Variants in ACTR3C observed in about 807,000 individuals in gnomAD.
The protein encoded by ACTR3C is actin-related protein 3C.
A neutral mutation model predicts 26.3 loss-of-function variants in ACTR3C; 18 were observed. The observed-to-expected ratio is 0.68, with a 90% CI of 0.47 to 1.01. The LOEUF is 1.01. ACTR3C is among the 50% of genes least tolerant of loss of function. The pLI, the probability that ACTR3C is intolerant of heterozygous loss-of-function variation, is 0.00. For missense variants in ACTR3C, 184 were observed against 250.7 expected (o/e 0.73, Z 1.80); for synonymous variants, 55 against 94.5 (o/e 0.58, Z 2.42).
chr7:149,985,681 A>T, the ACTR3C span, among the ~76,000 whole-genome samples: 1 of 152,188 alleles, frequency 6.6e-6, no homozygotes, highest in African/African-American at 2.4e-5. Flanking sequence ...AGTGCCATCA[A>T]TGATGGAGCT....
chr7:150,248,731 A>G (rs1470672493), intron 7 of ACTR3C: 2 of 347,972 alleles, frequency 5.7e-6, no homozygotes, highest in Non-Finnish European at 1.0e-5. Context: ...ACCACTTATC[A>G]TAGCAAGAAC....
At chr7:150,019,599 A>AAATAAAAATAATAATAATAAT in the ACTR3C span, among the ~76,000 whole-genome samples, 27 of 109,806 alleles carry the variant, frequency 2.5e-4, no homozygotes, top group African/African-American at 8.9e-4. Flanking sequence ...TCAAAAATAA[A>AAATAAAAATAATAATAATAAT]AATAATAATA....
At chr7:150,198,461 A>C in the ACTR3C span, among the ~76,000 whole-genome samples, 6 of 94,680 alleles carry the variant, frequency 6.3e-5, no homozygotes, top group African/African-American at 9.3e-5. Flanking sequence ...CCGGCCGCCC[A>C]TCGTCTGAGA....
At position 150,252,704 on chromosome 7, in the gene ACTR3C, A is replaced by G. The variant is rs116652652; in HGVS notation, c.565-3650T>C. 5.1e-3 allele frequency among the ~76,000 whole-genome samples: 783 copies of G among 152,220 alleles called. 5 individuals carry two copies. The highest frequency in any genetic ancestry group is 0.018 in the African/African-American group (736 of 41,504). ...AGCTTTGCATAAAACAATATCCAGT[A>G]TCTTCAGAACTAATATTTTATTTGA... On this transcript the variant is annotated intron_variant, in intron 6 of 7. Transcript: ENST00000683684.
chr7:149,939,940 C>T, the ACTR3C span, among the ~76,000 whole-genome samples: 1 of 137,414 alleles, frequency 7.3e-6, no homozygotes, highest in African/African-American at 2.6e-5. Flanking sequence ...ATAAAGCTAA[C>T]CTGTTCTTCC....
the ACTR3C span, among the ~76,000 whole-genome samples, chr7:150,000,164 T>A: frequency 1.3e-5 from 2 of 152,148 alleles, no homozygotes; most frequent in Admixed American, 1.3e-4. Flanking sequence ...GAGATTTTCT[T>A]ACATAATAAA....
At chr7:150,158,966 C>CGCACACACAG in the ACTR3C span, among the ~76,000 whole-genome samples, 50,029 of 150,190 alleles carry the variant, frequency 0.33, 9,103 homozygotes, top group East Asian at 0.66. Context: ...TACACACGTG[C>CGCACACACAG]GCACACACAG....
chr7:150,205,791 G>C, the ACTR3C span, among the ~76,000 whole-genome samples: 10 of 150,454 alleles, frequency 6.6e-5, no homozygotes, highest in African/African-American at 2.4e-4. Context: ...CTTCTACTTA[G>C]AAAATAATTC....
At chr7:149,999,355 T>C in the ACTR3C span, among the ~76,000 whole-genome samples, 1 of 150,902 alleles carries the variant, frequency 6.6e-6, no homozygotes, top group African/African-American at 2.4e-5. Flanking sequence ...CCAGGTATGC[T>C]GGAGCAATAG....
chr7:150,059,770 A>T, the ACTR3C span, among the ~76,000 whole-genome samples: 1 of 152,228 alleles, frequency 6.6e-6, no homozygotes, highest in Non-Finnish European at 1.5e-5. Context: ...CATAAGAGCC[A>T]GTTTGGAACC....
chr7:150,044,369 A>G, the ACTR3C span, among the ~76,000 whole-genome samples: 1 of 152,122 alleles, frequency 6.6e-6, no homozygotes, highest in Admixed American at 6.6e-5. Context: ...TTGATTCCTC[A>G]GAGGAGTTGC....
the ACTR3C span, among the ~76,000 whole-genome samples, chr7:150,197,104 A>AGAGTCCAGGCT: frequency 1.2e-4 from 18 of 152,320 alleles, 1 homozygote; most frequent in South Asian, 3.7e-3. Context: ...ACGGGGCAGT[A>AGAGTCCAGGCT]GAGTCCAGGC....
the ACTR3C span, among the ~76,000 whole-genome samples, chr7:150,229,450 G>C: frequency 6.6e-6 from 1 of 151,510 alleles, no homozygotes; most frequent in Non-Finnish European, 1.5e-5. Flanking sequence ...GATATATTTT[G>C]TTTTCTCTAA....
At chr7:150,176,269 G>T in the ACTR3C span, among the ~76,000 whole-genome samples, 1,167 of 150,660 alleles carry the variant, frequency 7.7e-3, 107 homozygotes, top group African/African-American at 0.028. Context: ...TCAATTTCTT[G>T]AGGCCTTTTT....
chr7:149,932,588 G>A, the ACTR3C span, among the ~76,000 whole-genome samples: 1 of 152,006 alleles, frequency 6.6e-6, no homozygotes, highest in Non-Finnish European at 1.5e-5. Flanking sequence ...GGAGATAATC[G>A]CACAGTCATT....
the ACTR3C span, among the ~76,000 whole-genome samples, chr7:149,915,669 T>A: frequency 6.6e-6 from 1 of 151,360 alleles, no homozygotes; most frequent in African/African-American, 2.5e-5. Flanking sequence ...TGGTAAATTA[T>A]ACACAGGTGA....
chr7:150,048,550 C>T, the ACTR3C span, among the ~76,000 whole-genome samples: 3 of 152,202 alleles, frequency 2.0e-5, no homozygotes, highest in Admixed American at 6.5e-5. Context: ...CTGCGCGTGC[C>T]CCGCAGCACG....
chr7:149,926,634 G>A, the ACTR3C span, among the ~76,000 whole-genome samples: 6 of 152,124 alleles, frequency 3.9e-5, no homozygotes, highest in Admixed American at 3.9e-4. Context: ...TGCACTGGGT[G>A]AGGACTCGGG....
the ACTR3C span, among the ~76,000 whole-genome samples, chr7:150,082,614 A>G: frequency 9.2e-5 from 14 of 152,146 alleles, no homozygotes; most frequent in Admixed American, 9.2e-4. Flanking sequence ...AGCTGGTTCC[A>G]TGGATATGCA....
Sources: allele counts gnomAD v4.1 joint callset (sites outside exome capture counted in the v4.1 genomes callset), GRCh38; gene constraint gnomAD v4.1.1; transcripts MANE v1.5; gene names NCBI Gene and HGNC (gene_info 2026-07-23, HGNC 2026-07-21).